The following LHFPL4 variants were observed in gnomAD, a reference collection of about 807,000 sequenced individuals.
LHFPL4 encodes LHFPL tetraspan subfamily member 4 protein.
In LHFPL4, 6 loss-of-function variants were observed where a neutral mutation model predicts 20.0. The ratio of observed to expected loss-of-function variants is 0.30; its 90% CI spans 0.16 to 0.59. The LOEUF is 0.59. Among genes scored for constraint, LHFPL4 ranks in the 20% least tolerant of loss-of-function variants. The pLI is 0.88. For missense variants in LHFPL4, 215 were observed against 331.2 expected (o/e 0.65, Z 2.72); for synonymous variants, 129 against 143.8 (o/e 0.90, Z 0.74).
intron 3 of LHFPL4, among the ~76,000 whole-genome samples, chr3:9,504,798 C>G (rs867231972): frequency 6.9e-6 from 1 of 145,944 alleles, no homozygotes; most frequent in South Asian, 2.2e-4. Context: ...GCACTCCAGC[C>G]TGGGTGACTG....
chr3:9,543,374 G>A (rs149983720), intron 2 of LHFPL4, among the ~76,000 whole-genome samples: 6 of 152,082 alleles, frequency 3.9e-5, no homozygotes, highest in East Asian at 1.9e-4. Flanking sequence ...GGTGGCGGGC[G>A]CCTGTAGACC....
intron 2 of LHFPL4, among the ~76,000 whole-genome samples, chr3:9,546,056 G>A (rs1470542915): frequency 2.0e-5 from 3 of 152,104 alleles, no homozygotes; most frequent in Non-Finnish European, 4.4e-5. Context: ...GCTCACACCT[G>A]TAATCCCAGT....
rs140742294 is a variant in LHFPL4, at chr3:9,536,148, C to T, written c.406+16126G>A. Among the ~76,000 whole-genome samples, 94 of 152,256 alleles carry T rather than the reference C, an allele frequency of 6.2e-4. No homozygotes were observed. In the East Asian group the frequency reaches 0.016, roughly 27 times the overall value. On this transcript the variant is annotated intron_variant, in intron 2 of 3. Transcript: ENST00000287585. ...TGGCTTCCCCAGGACACAAGGGGGC[C>T]GTGGTGACAACTGTCTCACAGGGAG...
chr3:9,550,631 T>C (rs971191217), intron 2 of LHFPL4: 2 of 152,164 alleles, frequency 1.3e-5, no homozygotes, highest in African/African-American at 4.8e-5. Context: ...CAAATTAAGG[T>C]TGATGAGTTG....
At chr3:9,540,184 T>C (rs532671966) in intron 2 of LHFPL4, among the ~76,000 whole-genome samples, 1 of 152,344 alleles carries the variant, frequency 6.6e-6, no homozygotes, top group Admixed American at 6.5e-5. Flanking sequence ...ATATTGTAAA[T>C]AAATATTATT....
intron 2 of LHFPL4, among the ~76,000 whole-genome samples, chr3:9,533,238 G>A (rs2046421944): frequency 6.6e-6 from 1 of 151,478 alleles, no homozygotes; most frequent in Admixed American, 6.6e-5. Context: ...CTGTGTAGAT[G>A]AGTTCACCAA....
chr3:9,533,120 C>T (rs2046421050), intron 2 of LHFPL4, among the ~76,000 whole-genome samples: 1 of 152,188 alleles, frequency 6.6e-6, no homozygotes, highest in African/African-American at 2.4e-5. Flanking sequence ...GATCCAGCAC[C>T]AGGTATTACA....
rs529377818 is a variant in LHFPL4, at chr3:9,508,275, G to A, written c.407-2072C>T. On this transcript the variant is annotated intron_variant, in intron 2 of 3. Coordinates refer to ENST00000287585, the MANE Select transcript of LHFPL4 (RefSeq NM_198560.3). ...CCAGTCCTCCTCCTCTCCCCAACAC[G>A]TGCTCCTCTTCCAGATGCAGGCTCC... Among the ~76,000 whole-genome samples the A allele has an allele frequency of 5.9e-5, 9 of 151,926 alleles. No individual in the cohort carries two copies. The South Asian group carries it at 1.2e-3, about 21-fold the overall frequency.
intron 3 of LHFPL4, among the ~76,000 whole-genome samples, chr3:9,504,230 G>A (rs2046199878): frequency 6.6e-6 from 1 of 151,930 alleles, no homozygotes; most frequent in South Asian, 2.1e-4. Flanking sequence ...AGTTAGCTGG[G>A]TGTGGTGGCA....
At chr3:9,519,357 G>A (rs1489856673) in intron 2 of LHFPL4, among the ~76,000 whole-genome samples, 1 of 152,074 alleles carries the variant, frequency 6.6e-6, no homozygotes, top group Non-Finnish European at 1.5e-5. Flanking sequence ...TTACAGGCAT[G>A]AGCCACCACA....
At chr3:9,540,611 G>C (rs907268333) in intron 2 of LHFPL4, among the ~76,000 whole-genome samples, 2 of 152,126 alleles carry the variant, frequency 1.3e-5, no homozygotes, top group African/African-American at 4.8e-5. Context: ...AAGACAGCCT[G>C]GGTTGGTCAT....
intron 2 of LHFPL4, among the ~76,000 whole-genome samples, chr3:9,524,012 A>C (rs2046358185): frequency 8.3e-6 from 1 of 120,052 alleles, no homozygotes; most frequent in Admixed American, 9.1e-5. Flanking sequence ...TAAATATTTC[A>C]CTCCATTCTC....
intron 2 of LHFPL4, among the ~76,000 whole-genome samples, chr3:9,536,009 C>T (rs2046442142): frequency 6.6e-6 from 1 of 152,106 alleles, no homozygotes; most frequent in Non-Finnish European, 1.5e-5. Context: ...TCATGTTGCC[C>T]AGGCTGGTTT....
chr3:9,549,592 G>C (rs1210398449), intron 2 of LHFPL4, among the ~76,000 whole-genome samples: 1 of 152,170 alleles, frequency 6.6e-6, no homozygotes, highest in Non-Finnish European at 1.5e-5. Flanking sequence ...AGCTACTCAG[G>C]AGGCTGAGGC....
intron 2 of LHFPL4, among the ~76,000 whole-genome samples, chr3:9,522,658 G>C (rs187631846): frequency 1.4e-4 from 21 of 151,600 alleles, no homozygotes; most frequent in African/African-American, 3.4e-4. Context: ...CAGGAGAACC[G>C]CTTGAACCCA....
At chr3:9,536,149 G>A (rs150479405) in intron 2 of LHFPL4, among the ~76,000 whole-genome samples, 123 of 152,308 alleles carry the variant, frequency 8.1e-4, no homozygotes, top group African/African-American at 2.7e-3. Flanking sequence ...CAAGGGGGCC[G>A]TGGTGACAAC....
At chr3:9,530,078 GC>G (rs1173863458) in intron 2 of LHFPL4, among the ~76,000 whole-genome samples, 11 of 152,040 alleles carry the variant, frequency 7.2e-5, no homozygotes, top group African/African-American at 2.7e-4. Context: ...ATTCTTAAGG[GC>G]CCTAGAATTT....
intron 2 of LHFPL4, among the ~76,000 whole-genome samples, chr3:9,546,519 G>A (rs1040484328): frequency 3.9e-5 from 6 of 152,068 alleles, no homozygotes; most frequent in Admixed American, 3.3e-4. Flanking sequence ...AGTATTGAAT[G>A]AATGTGGTCA....
At chr3:9,521,334 C>T (rs2046336058) in intron 2 of LHFPL4, among the ~76,000 whole-genome samples, 1 of 151,312 alleles carries the variant, frequency 6.6e-6, no homozygotes, top group African/African-American at 2.4e-5. Context: ...AAGTGATCCT[C>T]CCACTTCAGC....
Sources: gnomAD v4.1 joint callset for allele counts (sites outside exome capture counted in the v4.1 genomes callset) on GRCh38, gnomAD v4.1.1 for gene constraint, MANE v1.5 for transcripts, NCBI Gene and HGNC (gene_info 2026-07-23, HGNC 2026-07-21) for gene names.